The following FGFR1OP2 variants were observed in gnomAD, a reference collection of about 807,000 sequenced individuals.
The protein encoded by FGFR1OP2 is FGFR1 oncogene partner 2, also known as fibroblast growth factor receptor 1 oncogene partner 2.
In FGFR1OP2, 17 loss-of-function variants were observed where a neutral mutation model predicts 35.2. The observed-to-expected ratio is 0.48, with a 90% CI of 0.33 to 0.73. FGFR1OP2 has a LOEUF of 0.73. Ranked by LOEUF, FGFR1OP2 falls within the 30% of genes least tolerant of loss-of-function variation. The probability of loss-of-function intolerance (pLI) is 0.02; values close to 1 mark genes in which losing one functional copy is unlikely to be tolerated. For missense variants in FGFR1OP2, 251 were observed against 307.3 expected (o/e 0.82, Z 1.37); for synonymous variants, 105 against 104.6 (o/e 1.00, Z -0.03).
At chr12:26,960,187 T>C (rs1427987134) in intron 4 of FGFR1OP2, among the ~76,000 whole-genome samples, 3 of 152,072 alleles carry the variant, frequency 2.0e-5, no homozygotes, top group Admixed American at 2.0e-4. Flanking sequence ...ACAAAAGTAA[T>C]TTTACAACAC....
chr12:26,944,789 TTTC>T (rs1173992285), intron 1 of FGFR1OP2, among the ~76,000 whole-genome samples: 1 of 152,228 alleles, frequency 6.6e-6, no homozygotes, highest in Non-Finnish European at 1.5e-5. Context: ...ATTGGTGTTA[TTTC>T]TTCTTTAAAT....
At position 26,941,689 on chromosome 12, in the gene FGFR1OP2, C is replaced by A. The variant is rs548039085; in HGVS notation, c.-15+2979C>A. Among the ~76,000 whole-genome samples the A allele has an allele frequency of 5.0e-4, 76 of 152,216 alleles. 2 individuals are homozygous for A. The South Asian group carries it at 0.015, about 30-fold the overall frequency. On this transcript the variant is annotated intron_variant, in intron 1 of 6. Coordinates refer to ENST00000229395, the MANE Select transcript of FGFR1OP2 (RefSeq NM_015633.3). ...ATTGATCTTGTAATTAACTGTGACA[C>A]CTAATTAAAATGGTTGCTAGGCTGT...
chr12:26,958,568 A>G (rs887577788), intron 4 of FGFR1OP2, among the ~76,000 whole-genome samples: 5 of 152,226 alleles, frequency 3.3e-5, no homozygotes, highest in African/African-American at 1.2e-4. Flanking sequence ...CATGGGGTTC[A>G]GGAGAAGAAC....
chr12:26,951,564 C>T (rs971726530), intron 1 of FGFR1OP2, among the ~76,000 whole-genome samples: 1 of 152,130 alleles, frequency 6.6e-6, no homozygotes, highest in Admixed American at 6.5e-5. Context: ...AAGTGATCTG[C>T]CCTCCTCGAC....
At chr12:26,943,275 T>TAA (rs112183278) in intron 1 of FGFR1OP2, among the ~76,000 whole-genome samples, 24,638 of 152,190 alleles carry the variant, frequency 0.16, 2,084 homozygotes, top group Non-Finnish European at 0.2. Flanking sequence ...GCCCTGTCTC[T>TAA]AAACCTTTTC....
At chr12:26,950,379 C>T (rs540685903) in intron 1 of FGFR1OP2, among the ~76,000 whole-genome samples, 2 of 151,692 alleles carry the variant, frequency 1.3e-5, no homozygotes, top group Admixed American at 6.6e-5. Context: ...CATGCCACTA[C>T]GCCCGGCTAA....
At chr12:26,958,017 A>G (rs189082605) in intron 4 of FGFR1OP2, 148 of 262,922 alleles carry the variant, frequency 5.6e-4, no homozygotes, top group Middle Eastern at 1.4e-3. Context: ...TATAAAGGTA[A>G]GTCTGGTCTC....
In FGFR1OP2 at chr12:26,957,660, C is replaced by T. The variant is rs1478123221; in HGVS notation, c.313C>T (p.Arg105Ter). ...SALELIMSKY[R>*]EQMFRLLMAS... is the part of the protein sequence containing the mutation. The stretch of plus-strand genomic sequence containing the variant: ...CTTGGAACTTATAATGAGCAAGTAC[C>T]GAGAACAAATGTTTAGATTGCTAAT... Residue 105 changes from arginine to a stop codon, truncating the protein, a stop_gained, in exon 4 of 7, where the codon CGA becomes TGA. Coordinates refer to ENST00000229395, the MANE Select transcript of FGFR1OP2 (RefSeq NM_015633.3). LOFTEE classifies it high-confidence loss of function. 7 of 1,612,818 alleles carry T rather than the reference C, an allele frequency of 4.3e-6. No homozygotes were observed. The highest frequency in any genetic ancestry group is 2.2e-5 in the East Asian group (1 of 44,780).
chr12:26,962,794 T>C (rs1177160198), intron 5 of FGFR1OP2: 1 of 152,216 alleles, frequency 6.6e-6, no homozygotes, highest in Non-Finnish European at 1.5e-5. Flanking sequence ...AAAAGCAGAA[T>C]TGTGCTCATT....
At chr12:26,951,561 C>T (rs1227463127) in intron 1 of FGFR1OP2, among the ~76,000 whole-genome samples, 1 of 152,132 alleles carries the variant, frequency 6.6e-6, no homozygotes, top group Non-Finnish European at 1.5e-5. Flanking sequence ...TTCAAGTGAT[C>T]TGCCCTCCTC....
In FGFR1OP2 at chr12:26,956,531, C is replaced by T. The variant is rs754613655; in HGVS notation, c.136-12C>T. 5.1e-6 allele frequency: 7 copies of T among 1,363,620 alleles called. No homozygotes were observed. In the South Asian group the frequency reaches 9.2e-5, roughly 18 times the overall value. The allele number at this position is 1,363,620 out of a possible 1,614,324, so 84.5% of individuals were successfully genotyped here. On this transcript the variant is annotated splice_polypyrimidine_tract_variant and intron_variant, in intron 2 of 6. Coordinates refer to ENST00000229395, the MANE Select transcript of FGFR1OP2 (RefSeq NM_015633.3). ...AGGTATTTTCATCCCACATGTTTTT[C>T]TCCCCCATTAGTATCAGGAAGAAAT...
chr12:26,954,179 G>A lies in FGFR1OP2; in HGVS notation c.21G>A (p.Lys7=), dbSNP rs1938982688. The stretch of plus-strand genomic sequence containing the variant: ...TAGAAATGAGTTGCACAATTGAGAA[G>A]GCACTTGCCGACGCTAAAGCTCTTG... MSCTIE[K]ALADAKALVE... is the part of the protein sequence containing the mutation. Residue 7 remains lysine (K), a synonymous_variant, in exon 2 of 7, where the codon AAG becomes AAA. Transcript: ENST00000229395. 6.2e-7 allele frequency: 1 copy of A among 1,604,168 alleles called. No homozygotes were observed.
intron 6 of FGFR1OP2, among the ~76,000 whole-genome samples, chr12:26,964,249 C>T (rs1156354035): frequency 6.6e-6 from 1 of 152,096 alleles, no homozygotes; most frequent in Non-Finnish European, 1.5e-5. Context: ...AGATTCTAGC[C>T]TATTCACTGG....
At chr12:26,957,923 A>G (rs1180795926) in intron 4 of FGFR1OP2, 180 bp downstream of exon 4, 3 of 501,158 alleles carry the variant, frequency 6.0e-6, no homozygotes, top group African/African-American at 4.0e-5. Flanking sequence ...TTCTTGTTAT[A>G]TATCATTTTC....
intron 1 of FGFR1OP2, among the ~76,000 whole-genome samples, chr12:26,950,077 A>G (rs1324698932): frequency 1.3e-5 from 2 of 152,060 alleles, no homozygotes; most frequent in Non-Finnish European, 2.9e-5. Context: ...GCATAAGGAC[A>G]TTTAGTCAAA....
chr12:26,955,044 G>T (rs1938997343), intron 2 of FGFR1OP2, among the ~76,000 whole-genome samples: 1 of 152,154 alleles, frequency 6.6e-6, no homozygotes, highest in African/African-American at 2.4e-5. Flanking sequence ...GGAAATAGTG[G>T]AGCAAGTTTA....
At chr12:26,954,028 G>A in intron 1 of FGFR1OP2, 117 bp from the exon 2 acceptor site, 1 of 703,550 alleles carries the variant, frequency 1.4e-6, no homozygotes, top group East Asian at 3.0e-5. Flanking sequence ...TTCCTCCCTG[G>A]ACAGTGAACA....
intron 1 of FGFR1OP2, 92 bp downstream of exon 1, chr12:26,938,802 C>A (rs1238661422): frequency 1.3e-5 from 2 of 152,214 alleles, no homozygotes; most frequent in African/African-American, 4.8e-5. Flanking sequence ...CGGTGCCTTG[C>A]GCCTCTTGAA....
chr12:26,945,236 T>C (rs1429401796), intron 1 of FGFR1OP2, among the ~76,000 whole-genome samples: 1 of 152,138 alleles, frequency 6.6e-6, no homozygotes, highest in Non-Finnish European at 1.5e-5. Context: ...CTCTTTATTA[T>C]TTCTTTCTAT....
Sources: gnomAD v4.1 joint callset for allele counts (sites outside exome capture counted in the v4.1 genomes callset) on GRCh38, gnomAD v4.1.1 for gene constraint, MANE v1.5 for transcripts, NCBI Gene and HGNC (gene_info 2026-07-23, HGNC 2026-07-21) for gene names.